FHIT: variants seen among roughly 807,000 people sequenced by gnomAD.
The protein encoded by FHIT is bis(5'-adenosyl)-triphosphatase.
FHIT carries 19 observed loss-of-function variants against 17.9 expected under a neutral mutation model. That is an observed-to-expected ratio of 1.06 (90% CI 0.74 to 1.56). The LOEUF (loss-of-function observed/expected upper bound fraction) is 1.56. Among genes scored for constraint, FHIT ranks in the 40% most tolerant of loss-of-function variants. The pLI is 0.00. For missense variants in FHIT, 248 were observed against 189.2 expected, an observed-to-expected ratio of 1.31 and a Z score of -1.82; for synonymous variants, 81 against 69.7, an observed-to-expected ratio of 1.16 and a Z score of -0.81.
intron 3 of FHIT, among the ~76,000 whole-genome samples, chr3:60,868,917 G>A (rs927772109): frequency 9.2e-5 from 14 of 152,126 alleles, no homozygotes; most frequent in Admixed American, 4.6e-4. Context: ...GCGAGTGGAA[G>A]AGGAGGCTTC....
At chr3:60,565,138 GTA>G (rs2037086870) in intron 4 of FHIT, among the ~76,000 whole-genome samples, 1 of 152,090 alleles carries the variant, frequency 6.6e-6, no homozygotes, top group Admixed American at 6.6e-5. Context: ...ATTAAGGTAT[GTA>G]CACTTTTTAG....
chr3:60,966,400 G>T (rs1709745967), intron 3 of FHIT, among the ~76,000 whole-genome samples: 3 of 152,232 alleles, frequency 2.0e-5, no homozygotes, highest in African/African-American at 7.2e-5. Flanking sequence ...GTGAGGCGAT[G>T]TCCCGCCCTG....
At chr3:60,250,731 A>G (rs1705663614) in intron 5 of FHIT, among the ~76,000 whole-genome samples, 1 of 152,112 alleles carries the variant, frequency 6.6e-6, no homozygotes, top group African/African-American at 2.4e-5. Flanking sequence ...AGGCTTTGCA[A>G]TTACCCACTA....
chr3:60,019,054 G>C (rs1179463120), intron 5 of FHIT, among the ~76,000 whole-genome samples: 2 of 152,140 alleles, frequency 1.3e-5, no homozygotes, highest in Non-Finnish European at 2.9e-5. Context: ...TTTTTGCTGA[G>C]GGTCTCACCT....
At chr3:60,189,809 T>C (rs1003159721) in intron 5 of FHIT, among the ~76,000 whole-genome samples, 2 of 152,216 alleles carry the variant, frequency 1.3e-5, no homozygotes, top group Non-Finnish European at 2.9e-5. Context: ...CTGATGAAAG[T>C]TAAATTCTAA....
chr3:60,598,255 T>G (rs2038333353), intron 4 of FHIT, among the ~76,000 whole-genome samples: 1 of 152,094 alleles, frequency 6.6e-6, no homozygotes, highest in South Asian at 2.1e-4. Context: ...GTTCTTTGCT[T>G]TAAAAATCCC....
At chr3:60,590,274 A>G (rs1553663708) in intron 4 of FHIT, among the ~76,000 whole-genome samples, 1 of 152,092 alleles carries the variant, frequency 6.6e-6, no homozygotes, top group Non-Finnish European at 1.5e-5. Context: ...ATCTACTCAC[A>G]GACTCAGTGG....
chr3:60,478,657 T>G (rs1559947774), intron 5 of FHIT, among the ~76,000 whole-genome samples: 1 of 152,204 alleles, frequency 6.6e-6, no homozygotes, highest in Non-Finnish European at 1.5e-5. Flanking sequence ...GTGCCAGGCA[T>G]TATGATACAG....
rs150508804 is a variant in FHIT, at chr3:61,006,561, A to G, written c.-111+35486T>C. On this transcript the variant is annotated intron_variant, in intron 3 of 9. Transcript: ENST00000492590. Reference sequence around the variant, plus strand: ...TCTGAAAAAAAAGTATGAAAAATCAAAAGAAGGCACCAAAAAAGTCCCCCA... The same window carrying G: ...TCTGAAAAAAAAGTATGAAAAATCAGAAGAAGGCACCAAAAAAGTCCCCCA... Among the ~76,000 whole-genome samples, 1,404 of 152,006 alleles carry G rather than the reference A, an allele frequency of 9.2e-3. 13 individuals are homozygous for G. Among genetic ancestry groups the G allele is most frequent in the Non-Finnish European group, 0.012 (785 of 67,966 alleles).
chr3:60,451,542 A>C (rs2031746674), intron 5 of FHIT, among the ~76,000 whole-genome samples: 1 of 152,206 alleles, frequency 6.6e-6, no homozygotes, highest in African/African-American at 2.4e-5. Context: ...TATTTTCCAG[A>C]AGTTGTATGA....
chr3:60,402,359 T>C (rs1037378865), intron 5 of FHIT, among the ~76,000 whole-genome samples: 1 of 152,198 alleles, frequency 6.6e-6, no homozygotes, highest in Non-Finnish European at 1.5e-5. Context: ...AACAGTCTGG[T>C]TGGATTCCAC....
chr3:60,595,567 A>G (rs782003115), intron 4 of FHIT, among the ~76,000 whole-genome samples: 7 of 150,634 alleles, frequency 4.6e-5, no homozygotes, highest in African/African-American at 9.8e-5. Flanking sequence ...ACATATGTGT[A>G]TATATATATA....
At chr3:61,067,027 C>A (rs532287850) in intron 2 of FHIT, among the ~76,000 whole-genome samples, 1 of 152,170 alleles carries the variant, frequency 6.6e-6, no homozygotes, top group Non-Finnish European at 1.5e-5. Context: ...GGCTGGGAAG[C>A]CTTCTTTTGG....
chr3:60,405,052 T>C (rs1047627264), intron 5 of FHIT, among the ~76,000 whole-genome samples: 1 of 152,194 alleles, frequency 6.6e-6, no homozygotes, highest in Non-Finnish European at 1.5e-5. Flanking sequence ...ATCCCACTGA[T>C]GGCCACAGGA....
At chr3:59,834,522 C>T (rs1701274227) in intron 8 of FHIT, among the ~76,000 whole-genome samples, 2 of 152,156 alleles carry the variant, frequency 1.3e-5, no homozygotes, top group South Asian at 2.1e-4. Context: ...CTTCTGGAGG[C>T]TAGAAATCCA....
At chr3:60,196,791 C>A (rs1464128116) in intron 5 of FHIT, among the ~76,000 whole-genome samples, 2 of 149,790 alleles carry the variant, frequency 1.3e-5, no homozygotes, top group Non-Finnish European at 2.9e-5. Flanking sequence ...TACATATATA[C>A]AATATATACA....
In FHIT at chr3:61,014,807, A is replaced by AATAT. The variant is rs1553798840; in HGVS notation, c.-111+27236_-111+27239dup. Among the ~76,000 whole-genome samples, 318 of 49,090 alleles carry AATAT rather than the reference A, an allele frequency of 6.5e-3. 14 individuals carry two copies. Among genetic ancestry groups the AATAT allele is most frequent in the Middle Eastern group, 0.036 (2 of 56 alleles). 32.2% of individuals were successfully genotyped at this position (49,090 alleles called of 152,430 possible). The stretch of plus-strand genomic sequence containing the variant: ...AAAAAAAAAAAAAAAAAAAAAAAAA[A>AATAT]ATATATATATATATATATGTATACA... On this transcript the variant is annotated intron_variant, in intron 3 of 9. Coordinates refer to ENST00000492590, the MANE Select transcript of FHIT (RefSeq NM_002012.4).
At chr3:59,867,000 C>G in intron 8 of FHIT, among the ~76,000 whole-genome samples, 1 of 151,412 alleles carries the variant, frequency 6.6e-6, no homozygotes. Context: ...GTTTTGCTTT[C>G]TATGATAAAT....
chr3:60,107,149 T>G (rs1194146778), intron 5 of FHIT, among the ~76,000 whole-genome samples: 1 of 93,082 alleles, frequency 1.1e-5, no homozygotes, highest in Non-Finnish European at 2.1e-5. Flanking sequence ...AAGCTTTAAT[T>G]CTTTTTTTTT....
Sources: allele counts gnomAD v4.1 joint callset (sites outside exome capture counted in the v4.1 genomes callset), GRCh38; gene constraint gnomAD v4.1.1; transcripts MANE v1.5; gene names NCBI Gene and HGNC (gene_info 2026-07-23, HGNC 2026-07-21).